Variants in EFEMP2 observed in about 807,000 individuals in gnomAD.
The protein encoded by EFEMP2 is EGF-containing fibulin-like extracellular matrix protein 2.
EFEMP2 carries 21 observed loss-of-function variants against 55.3 expected under a neutral mutation model. The observed-to-expected ratio is 0.38, with a 90% CI of 0.27 to 0.55. The LOEUF (loss-of-function observed/expected upper bound fraction) is 0.55, where lower values mean the gene tolerates loss of function less well. EFEMP2 is among the 20% of genes least tolerant of loss of function. EFEMP2 has a pLI of 0.77. For synonymous variants in EFEMP2, 275 were observed against 242.3 expected (o/e 1.14, Z -1.25); for missense variants, 513 against 615.1 (o/e 0.83, Z 1.76).
intron 4 of EFEMP2, 169 bp from the exon 5 acceptor site, chr11:65,870,827 C>A: frequency 1.1e-6 from 1 of 948,928 alleles, no homozygotes; most frequent in South Asian, 1.4e-5. Flanking sequence ...TTGGGGGTTG[C>A]ACAGGAAATA....
chr11:65,870,338 G>T, intron 5 of EFEMP2, 101 bp from the exon 6 acceptor site: 1 of 1,430,902 alleles, frequency 7.0e-7, no homozygotes, highest in Non-Finnish European at 9.8e-7. Flanking sequence ...ATAATCCTGT[G>T]TCCGAGGAGC....
chr11:65,872,639 A>G, intron 1 of EFEMP2, 44 bp downstream of exon 1: 1 of 284,202 alleles, frequency 3.5e-6, no homozygotes, highest in Non-Finnish European at 6.7e-6. Flanking sequence ...CTCGGCCGAG[A>G]CTCCGGCCCA....
Position 65,870,217 on chromosome 11 carries a change from G to A in EFEMP2, c.511C>T (p.Arg171Cys), listed in dbSNP as rs148075092. 31 of 1,613,376 alleles carry A rather than the reference G, an allele frequency of 1.9e-5. No individual in the cohort carries two copies. The highest frequency in any genetic ancestry group is 3.3e-5 in the Admixed American group (2 of 59,998). The change falls in exon 6 of 11, where the codon CGC becomes TGC. Residue 171 changes from arginine to cysteine, a missense_variant. Physicochemically the swap from Arg to Cys is radical, Grantham distance 180. Transcript: ENST00000307998. ...ECVDIDECRY[R>C]YCQHRCVNLP... ...TTCACGCAGCGGTGCTGGCAGTAGCGGTAGCGGCACTCGTCTATGTCTAGG... is the reference window on the plus strand; with the variant it reads ...TTCACGCAGCGGTGCTGGCAGTAGCAGTAGCGGCACTCGTCTATGTCTAGG...
chr11:65,872,532 C>A lies in EFEMP2; in HGVS notation c.-8+151G>T, dbSNP rs1859984096. Reference sequence around the variant, plus strand: ...ACAGGCCCAGGTCCCAGGCCCGGGTCCCAGGCCCACCCGCCCCGGCCACCC... The same window carrying A: ...ACAGGCCCAGGTCCCAGGCCCGGGTACCAGGCCCACCCGCCCCGGCCACCC... On this transcript the variant is annotated intron_variant, in intron 1 of 10. Transcript: ENST00000307998. 4 of 507,162 alleles carry A rather than the reference C, an allele frequency of 7.9e-6. No individual in the cohort carries two copies. In the South Asian group the frequency reaches 9.2e-5, roughly 12 times the overall value. The allele number at this position is 507,162 out of a possible 1,614,324, so 31.4% of individuals were successfully genotyped here.
rs769892560 is a variant in EFEMP2, at chr11:65,868,314, A to G, written c.955T>C (p.Tyr319His). The G allele has an allele frequency of 5.0e-6, 8 of 1,613,670 alleles. No homozygotes were observed. Among genetic ancestry groups the G allele is most frequent in the East Asian group, 2.2e-5 (1 of 44,894 alleles). The change falls in exon 9 of 11, where the codon TAC (tyrosine) becomes CAC (histidine). Residue 319 changes from tyrosine (Y) to histidine (H), a missense_variant. By Grantham distance (83) the Tyr-to-His change is moderately conservative. Transcript: ENST00000307998. ...ACTCACTTCTCAGAGACCTGGATGT[A>G]GGGCTCCACGCAGCGGTTGGTGTCC... ...CVDTNRCVEP[Y>H]IQVSENRCLC...
In EFEMP2 at chr11:65,870,622, C is replaced by T. The variant is rs773352910; in HGVS notation, c.404G>A (p.Arg135His). 1.9e-6 allele frequency: 3 copies of T among 1,613,994 alleles called. No homozygotes were observed. Among genetic ancestry groups the T allele is most frequent in the Non-Finnish European group, 2.5e-6 (3 of 1,179,982 alleles). Reference protein sequence around the residue: ...DECAQALHDCRPSQDCHNLPG... With the variant: ...DECAQALHDCHPSQDCHNLPG... The stretch of plus-strand genomic sequence containing the variant: ...CAAGTTATGGCAGTCCTGGCTGGGG[C>T]GACAGTCGTGCAGGGCCTGGGCACA... The change falls in exon 5 of 11, where the codon CGC becomes CAC. Residue 135 changes from arginine (R) to histidine (H), a missense_variant. Arg to His is a conservative substitution (Grantham distance 29, BLOSUM62 0). Transcript: ENST00000307998.
chr11:65,869,829 G>A (rs1378584114), intron 7 of EFEMP2, 28 bp downstream of exon 7: 1 of 1,613,118 alleles, frequency 6.2e-7, no homozygotes, highest in East Asian at 2.2e-5. Context: ...GTCCACAGAG[G>A]AGTACACAGC....
At chr11:65,871,033 A>C (rs1205037090) in intron 4 of EFEMP2, 124 bp downstream of exon 4, 4 of 1,197,848 alleles carry the variant, frequency 3.3e-6, no homozygotes, top group Non-Finnish European at 4.8e-6. Context: ...AAACAACATG[A>C]GTGTCTGGAT....
chr11:65,866,904 C>T lies in EFEMP2; in HGVS notation c.*14G>A, dbSNP rs747521684. 3.1e-6 allele frequency: 5 copies of T among 1,614,052 alleles called. No homozygotes were observed. The South Asian group carries it at 5.5e-5, about 18-fold the overall frequency. Reference sequence around the variant, plus strand: ...GCTAGGGTAGCTGCAGGGAGGGTGGCTCCCTCCTGCTCCTCAGAAGGTGTA... The same window carrying T: ...GCTAGGGTAGCTGCAGGGAGGGTGGTTCCCTCCTGCTCCTCAGAAGGTGTA... On this transcript the variant is annotated 3_prime_UTR_variant, in exon 11 of 11. Transcript: ENST00000307998.
At chr11:65,871,542 G>A (rs1189768665) in intron 3 of EFEMP2, 179 bp from the exon 4 acceptor site, 1 of 646,758 alleles carries the variant, frequency 1.5e-6, no homozygotes, top group African/African-American at 1.8e-5. Context: ...CAAGGCTGGA[G>A]ATGGGGCAGC....
rs1859945940 is a variant in EFEMP2 at position 65,870,452 on chromosome 11, GGCTTGAATGGGGGTCA to G, written c.490+68_490+83del. The stretch of plus-strand genomic sequence containing the variant: ...GTGGCAGGGGCCGGGGGTGAAGCCT[GGCTTGAATGGGGGTCA>G]GGTGCTAGGGCAAGGGCCAGACCAG... On this transcript the variant is annotated intron_variant, in intron 5 of 10. Coordinates refer to ENST00000307998, the MANE Select transcript of EFEMP2 (RefSeq NM_016938.5). The G allele has an allele frequency of 5.6e-6, 9 of 1,594,338 alleles. No individual in the cohort carries two copies. The South Asian group carries it at 9.0e-5, about 16-fold the overall frequency.
In EFEMP2 at chr11:65,868,435, GA is replaced by G. The variant is rs1306764127; in HGVS notation, c.848-15del. On this transcript the variant is annotated splice_polypyrimidine_tract_variant and intron_variant, in intron 8 of 10. Transcript: ENST00000307998. ...ACTCATCAATGTCTGTGCCAGGGGAGAGGGGCTGGAATCGGGGGCGTCAGGC... is the reference window on the plus strand; with the variant it reads ...ACTCATCAATGTCTGTGCCAGGGGAGGGGGCTGGAATCGGGGGCGTCAGGC... 6.2e-7 allele frequency: 1 copy of G among 1,613,960 alleles called. No individual in the cohort carries two copies. The highest frequency in any genetic ancestry group is 2.2e-5 in the East Asian group (1 of 44,886).
intron 2 of EFEMP2, 24 bp downstream of exon 2, chr11:65,872,220 G>A (rs561202747): frequency 6.5e-7 from 1 of 1,545,136 alleles, no homozygotes; most frequent in African/African-American, 1.4e-5. Flanking sequence ...CCTGTCCCAG[G>A]CCAGCGGCCC....
In EFEMP2 at chr11:65,867,028, G is replaced by A; in HGVS notation, c.1222C>T (p.Pro408Ser). 4 of 1,614,166 alleles carry A rather than the reference G, an allele frequency of 2.5e-6. No individual in the cohort carries two copies. Among genetic ancestry groups the A allele is most frequent in the Non-Finnish European group, 3.4e-6 (4 of 1,180,020 alleles). ...MLVLARPVTGPREYVLDLEMV... is the reference protein window; with the variant it reads ...MLVLARPVTGSREYVLDLEMV... ...TCCAGGTCCAGCACGTACTCCCGGG[G>A]GCCCGTCACCGGCCGGGCGAGGACC... is the stretch of plus-strand genomic sequence containing the variant. The change falls in exon 11 of 11, where the codon CCC becomes TCC. Residue 408 changes from proline (P) to serine (S), a missense_variant. Pro to Ser is a moderately conservative substitution (Grantham distance 74). Coordinates refer to ENST00000307998, the MANE Select transcript of EFEMP2 (RefSeq NM_016938.5).
rs749020799 is a variant in EFEMP2, at chr11:65,869,873, A to C, written c.711T>G (p.Asp237Glu). Residue 237 changes from aspartate to glutamate, a missense_variant, in exon 7 of 11, where the codon GAT (aspartate) becomes GAG (glutamate). Coordinates refer to ENST00000307998, the MANE Select transcript of EFEMP2 (RefSeq NM_016938.5). Reference protein sequence around the residue: ...RCHQGYELHRDGFSCSDIDEC... With the variant: ...RCHQGYELHREGFSCSDIDEC... ...AGCTCTCACCACTGCAGGAGAAGCC[A>C]TCCCGATGCAGCTCATAGCCCTGGT... is the stretch of plus-strand genomic sequence containing the variant. The C allele has an allele frequency of 6.2e-7, 1 of 1,613,926 alleles. No individual in the cohort carries two copies. Among genetic ancestry groups the C allele is most frequent in the East Asian group, 2.2e-5 (1 of 44,898 alleles).
rs140946753 is a variant in EFEMP2 at position 65,872,256 on chromosome 11, G to C, written c.99C>G (p.Pro33=). The part of the protein sequence containing the change: ...GSASPQDSEE[P]DSYTECTDGY... ...TCACTGTCCCCACCGTGTAGCTGTC[G>C]GGCTCTTCAGAATCCTGAGGAGAAG... is the stretch of plus-strand genomic sequence containing the variant. The change falls in exon 2 of 11, where the codon CCC becomes CCG. Residue 33 remains proline (P), a synonymous_variant. Transcript: ENST00000307998. 6 of 1,551,288 alleles carry C rather than the reference G, an allele frequency of 3.9e-6. No homozygotes were observed. Among genetic ancestry groups the C allele is most frequent in the African/African-American group, 2.7e-5 (2 of 73,018 alleles).
At chr11:65,871,433 C>A (rs754896190) in intron 3 of EFEMP2, 70 bp from the exon 4 acceptor site, 2 of 1,442,028 alleles carry the variant, frequency 1.4e-6, no homozygotes, top group East Asian at 4.5e-5. Context: ...AGGCAGGAAC[C>A]CAGCTCGGCC....
In EFEMP2 at chr11:65,870,647, A is replaced by G. The variant is rs1859949436; in HGVS notation, c.379T>C (p.Cys127Arg). The G allele has an allele frequency of 6.2e-7, 1 of 1,613,900 alleles. No individual in the cohort carries two copies. The highest frequency in any genetic ancestry group is 8.5e-7 in the Non-Finnish European group (1 of 1,179,972). ...CGACAGTCGTGCAGGGCCTGGGCAC[A>G]CTCGTCCACATCTGCGAGAGACACC... ...DQDSCVDVDE[C>R]AQALHDCRPS... Residue 127 changes from cysteine (C) to arginine (R), a missense_variant, in exon 5 of 11, where the codon TGT becomes CGT. Transcript: ENST00000307998.
Position 65,867,866 on chromosome 11 carries a change from T to G in EFEMP2, c.1165A>C (p.Ile389Leu), listed in dbSNP as rs1219659318. 1 of 1,613,864 alleles carries G rather than the reference T, an allele frequency of 6.2e-7. No individual in the cohort carries two copies. Among genetic ancestry groups the G allele is most frequent in the African/African-American group, 1.3e-5 (1 of 74,904 alleles). The change falls in exon 10 of 11, where the codon ATT becomes CTT. Residue 389 changes from isoleucine to leucine, a missense_variant. Physicochemically the swap from Ile to Leu is conservative, Grantham distance 5 (BLOSUM62 2). Coordinates refer to ENST00000307998, the MANE Select transcript of EFEMP2 (RefSeq NM_016938.5). ...RAGNSQGDFYIRQINNVSAML... is the reference protein window; with the variant it reads ...RAGNSQGDFYLRQINNVSAML... The stretch of plus-strand genomic sequence containing the variant: ...GAGGGTTGCAGAAACCTTACCCTAA[T>G]GTAAAAGTCCCCCTGCGAGTTTCCA...
Sources: allele counts gnomAD v4.1 joint callset, GRCh38; gene constraint gnomAD v4.1.1; transcripts MANE v1.5; gene names NCBI Gene and HGNC (gene_info 2026-07-23, HGNC 2026-07-21).